Variants in NR2F1-AS1 observed in about 807,000 individuals in gnomAD.
NR2F1-AS1 encodes the protein NR2F1 antisense RNA 1.
chr5:93,494,043 A>C (rs537671484), intron 4 of NR2F1-AS1, among the ~76,000 whole-genome samples: 4 of 152,184 alleles, frequency 2.6e-5, no homozygotes, highest in Non-Finnish European at 4.4e-5. Context: ...ATATTACAGA[A>C]TGGGAAAAAA....
At chr5:93,475,907 G>A (rs1750474193) in intron 4 of NR2F1-AS1, among the ~76,000 whole-genome samples, 1 of 152,110 alleles carries the variant, frequency 6.6e-6, no homozygotes, top group South Asian at 2.1e-4. Flanking sequence ...ATTTTACACT[G>A]TCTGACTACT....
chr5:93,483,126 G>A (rs1223928406), intron 4 of NR2F1-AS1, among the ~76,000 whole-genome samples: 1 of 152,140 alleles, frequency 6.6e-6, no homozygotes, highest in Non-Finnish European at 1.5e-5. Context: ...CCTCAAGTTG[G>A]TCCCTGACCC....
chr5:93,459,089 T>C (rs12188845), intron 4 of NR2F1-AS1, among the ~76,000 whole-genome samples: 30,175 of 151,994 alleles, frequency 0.2, 4,520 homozygotes, highest in African/African-American at 0.42. Flanking sequence ...ATCTGATAAA[T>C]GACTTCGGAC....
At chr5:93,563,065 C>T (rs1284915999) in intron 2 of NR2F1-AS1, among the ~76,000 whole-genome samples, 2 of 152,108 alleles carry the variant, frequency 1.3e-5, no homozygotes, top group African/African-American at 4.8e-5. Flanking sequence ...AAATATATAG[C>T]CAATGCTGGT....
At chr5:93,490,938 G>T (rs544733602) in intron 4 of NR2F1-AS1, among the ~76,000 whole-genome samples, 3,135 of 148,876 alleles carry the variant, frequency 0.021, 92 homozygotes, top group African/African-American at 0.073. Flanking sequence ...GATGGTGGTG[G>T]TGGGAGTGGT....
intron 4 of NR2F1-AS1, among the ~76,000 whole-genome samples, chr5:93,443,520 A>G (rs760922192): frequency 1.4e-4 from 22 of 152,178 alleles, no homozygotes; most frequent in Non-Finnish European, 2.8e-4. Context: ...AAAAGAAAAG[A>G]ACAAAGCCTC....
chr5:93,511,911 A>G (rs893456841), intron 4 of NR2F1-AS1, among the ~76,000 whole-genome samples: 21 of 152,178 alleles, frequency 1.4e-4, no homozygotes, highest in Admixed American at 8.5e-4. Context: ...TCCACAGAAT[A>G]ATTGTCTTCC....
chr5:93,441,873 C>T lies in NR2F1-AS1; in HGVS notation n.639-46331G>A, dbSNP rs567541938. Among the ~76,000 whole-genome samples, 12 of 152,324 alleles carry T rather than the reference C, an allele frequency of 7.9e-5. No homozygotes were observed. In the South Asian group the frequency reaches 2.3e-3, roughly 29 times the overall value. ...TTCTCCCTAAGAAGTTAGCAAAGTA[C>T]AGCCTGCAGGGCAAACTACTCAATG... On this transcript the variant is annotated intron_variant and non_coding_transcript_variant, in intron 4 of 5. Coordinates refer to ENST00000660523, the Ensembl canonical transcript of NR2F1-AS1.
At chr5:93,577,449 GT>G (rs1176578452) in intron 1 of NR2F1-AS1, among the ~76,000 whole-genome samples, 6 of 152,156 alleles carry the variant, frequency 3.9e-5, no homozygotes, top group African/African-American at 1.4e-4. Context: ...TATCCACCTG[GT>G]TTTTTGTTGA....
At position 93,418,690 on chromosome 5, in the gene NR2F1-AS1, T is replaced by C. The variant is rs941907381; in HGVS notation, n.639-23148A>G. On this transcript the variant is annotated intron_variant and non_coding_transcript_variant, in intron 4 of 5. Transcript: ENST00000660523. The stretch of plus-strand genomic sequence containing the variant: ...AGGCTCCCATAATTTGCTGACCCCT[T>C]ATCTGTGTTACCTGACTGGTTTGTC... Among the ~76,000 whole-genome samples, 12 of 152,292 alleles carry C rather than the reference T, an allele frequency of 7.9e-5. No homozygotes were observed. The East Asian group carries it at 1.9e-3, about 24-fold the overall frequency.
intron 4 of NR2F1-AS1, among the ~76,000 whole-genome samples, chr5:93,427,849 G>A (rs1749227165): frequency 6.6e-6 from 1 of 151,952 alleles, no homozygotes; most frequent in Non-Finnish European, 1.5e-5. Context: ...GTTCATCAAA[G>A]GCTGAACTCT....
intron 4 of NR2F1-AS1, among the ~76,000 whole-genome samples, chr5:93,502,105 CATA>C (rs1441207757): frequency 6.6e-6 from 1 of 152,090 alleles, no homozygotes; most frequent in Non-Finnish European, 1.5e-5. Context: ...TTTTTTTAGA[CATA>C]ATGTTTTTCT....
At chr5:93,488,937 T>C (rs575207243) in intron 4 of NR2F1-AS1, among the ~76,000 whole-genome samples, 1 of 152,304 alleles carries the variant, frequency 6.6e-6, no homozygotes, top group Admixed American at 6.5e-5. Context: ...GATGAGTTCA[T>C]GTCCTTTGCA....
At chr5:93,573,066 G>A (rs1233336097) in intron 1 of NR2F1-AS1, among the ~76,000 whole-genome samples, 1 of 152,214 alleles carries the variant, frequency 6.6e-6, no homozygotes, top group Non-Finnish European at 1.5e-5. Context: ...CGCCATGCAC[G>A]TCAAGGGGAA....
chr5:93,468,667 T>A (rs1247505930), intron 4 of NR2F1-AS1, among the ~76,000 whole-genome samples: 3 of 152,168 alleles, frequency 2.0e-5, no homozygotes, highest in East Asian at 1.9e-4. Context: ...CCCGTTTGTC[T>A]ATTTTGGCTT....
At chr5:93,426,464 A>G (rs942842081) in intron 4 of NR2F1-AS1, among the ~76,000 whole-genome samples, 8 of 152,212 alleles carry the variant, frequency 5.3e-5, no homozygotes, top group Admixed American at 3.9e-4. Context: ...AGGTCTGAAC[A>G]TGTTTTGATG....
At chr5:93,556,657 G>A (rs1300263422) in intron 2 of NR2F1-AS1, among the ~76,000 whole-genome samples, 2 of 152,096 alleles carry the variant, frequency 1.3e-5, no homozygotes, top group African/African-American at 2.4e-5. Flanking sequence ...CATGCACACA[G>A]GAAGAACACC....
intron 4 of NR2F1-AS1, chr5:93,432,225 C>T (rs571681184): frequency 1.3e-5 from 2 of 152,266 alleles, no homozygotes; most frequent in East Asian, 3.9e-4. Flanking sequence ...ATAGTCAATT[C>T]TTTTAGTAAA....
chr5:93,421,366 T>TAAA (rs34159028), intron 4 of NR2F1-AS1, among the ~76,000 whole-genome samples: 1 of 141,760 alleles, frequency 7.1e-6, no homozygotes, highest in Admixed American at 7.1e-5. Flanking sequence ...TCTTTTGAGT[T>TAAA]AAAAAAAAAA....
Sources: allele counts gnomAD v4.1 joint callset (sites outside exome capture counted in the v4.1 genomes callset), GRCh38; gene constraint gnomAD v4.1.1; transcripts MANE v1.5; gene names NCBI Gene and HGNC (gene_info 2026-07-23, HGNC 2026-07-21).